Variants in SERGEF observed in about 807,000 individuals in gnomAD.
SERGEF encodes secretion-regulating guanine nucleotide exchange factor.
Under a neutral mutation model 50.0 loss-of-function variants are expected in SERGEF, and 51 were observed. The ratio of observed to expected loss-of-function variants is 1.02; its 90% CI spans 0.81 to 1.29. The LOEUF (loss-of-function observed/expected upper bound fraction) is 1.29, where lower values mean the gene tolerates loss of function less well. SERGEF is among the 50% of genes most tolerant of loss of function. SERGEF has a pLI of 0.00. For synonymous variants in SERGEF, 205 were observed against 212.4 expected (o/e 0.97, Z 0.30); for missense variants, 521 against 557.0 (o/e 0.94, Z 0.65).
chr11:17,899,161 T>C (rs1851700061), intron 9 of SERGEF, among the ~76,000 whole-genome samples: 1 of 152,192 alleles, frequency 6.6e-6, no homozygotes, highest in South Asian at 2.1e-4. Flanking sequence ...GAAACCTCTT[T>C]TCTTTATAAT....
At position 17,788,082 on chromosome 11, in the gene SERGEF, C is replaced by CT. The variant is rs1302152727; in HGVS notation, c.*2dup. 1 of 1,515,182 alleles carries CT rather than the reference C, an allele frequency of 6.6e-7. No homozygotes were observed. Among genetic ancestry groups the CT allele is most frequent in the Non-Finnish European group, 8.9e-7 (1 of 1,129,870 alleles). The allele number at this position is 1,515,182 out of a possible 1,614,324, so 93.9% of individuals were successfully genotyped here. ...GAAAAGCCACTTTATTAAAGATTCT[C>CT]TATCACAGTCCCCCATTTCTGGACC... On this transcript the variant is annotated 3_prime_UTR_variant, in exon 11 of 11. Transcript: ENST00000265965.
intron 8 of SERGEF, among the ~76,000 whole-genome samples, chr11:17,961,268 T>C (rs1212371343): frequency 6.6e-6 from 1 of 152,148 alleles, no homozygotes; most frequent in Non-Finnish European, 1.5e-5. Context: ...TCAACACTCT[T>C]CCTTCACTTC....
chr11:17,848,916 G>A (rs1850665314), intron 10 of SERGEF, among the ~76,000 whole-genome samples: 1 of 152,162 alleles, frequency 6.6e-6, no homozygotes, highest in Non-Finnish European at 1.5e-5. Flanking sequence ...TCCATGTCTT[G>A]TCCAGATTAT....
At chr11:17,821,489 T>TA (rs2133844688) in intron 10 of SERGEF, among the ~76,000 whole-genome samples, 1 of 152,296 alleles carries the variant, frequency 6.6e-6, no homozygotes, top group African/African-American at 2.4e-5. Context: ...TGGCACCAGG[T>TA]AGACGGTAGG....
intron 8 of SERGEF, among the ~76,000 whole-genome samples, chr11:17,980,975 A>G (rs1196393145): frequency 6.6e-6 from 1 of 152,218 alleles, no homozygotes; most frequent in Non-Finnish European, 1.5e-5. Flanking sequence ...GTCTTGCCAG[A>G]GGACAAAGAG....
chr11:17,808,939 G>C (rs1849815799), intron 10 of SERGEF, among the ~76,000 whole-genome samples: 1 of 152,210 alleles, frequency 6.6e-6, no homozygotes, highest in Admixed American at 6.5e-5. Context: ...TTGGGGTTTG[G>C]CTGGACAAGT....
chr11:17,908,039 A>C (rs1293744132), intron 9 of SERGEF, among the ~76,000 whole-genome samples: 1 of 152,120 alleles, frequency 6.6e-6, no homozygotes, highest in Non-Finnish European at 1.5e-5. Context: ...AGTTCTCCGC[A>C]ACTTAGCCCT....
At chr11:17,967,763 G>A (rs1853155331) in intron 8 of SERGEF, among the ~76,000 whole-genome samples, 1 of 152,182 alleles carries the variant, frequency 6.6e-6, no homozygotes, top group East Asian at 1.9e-4. Context: ...CTCAATGTTG[G>A]ATGACTGCTC....
chr11:17,900,342 G>A (rs1166897361), intron 9 of SERGEF, among the ~76,000 whole-genome samples: 1 of 152,186 alleles, frequency 6.6e-6, no homozygotes, highest in East Asian at 1.9e-4. Context: ...GCTTAGAGCA[G>A]TATTGTACAA....
intron 10 of SERGEF, among the ~76,000 whole-genome samples, chr11:17,794,042 T>C (rs117241179): frequency 4.6e-5 from 7 of 152,284 alleles, no homozygotes; most frequent in Admixed American, 2.0e-4. Context: ...AGCCCAGTGC[T>C]AGGGAGGGGG....
intron 5 of SERGEF, among the ~76,000 whole-genome samples, chr11:17,996,595 T>C (rs1375375094): frequency 1.4e-5 from 2 of 142,448 alleles, no homozygotes; most frequent in African/African-American, 5.2e-5. Flanking sequence ...ATTCTAGATA[T>C]TTGATCTACA....
rs75388906 is a variant in SERGEF, at chr11:17,985,549, G to A, written c.844+3048C>T. Among the ~76,000 whole-genome samples the A allele has an allele frequency of 4.0e-4, 61 of 152,264 alleles. No individual in the cohort carries two copies. In the East Asian group the frequency reaches 0.01, roughly 25 times the overall value. On this transcript the variant is annotated intron_variant, in intron 8 of 10. Coordinates refer to ENST00000265965, the MANE Select transcript of SERGEF (RefSeq NM_012139.4). ...CATGAAGTTCCTGAGAACAATGATC[G>A]GGAACATTAAGCAGCTTGGGAAAGG...
chr11:17,796,610 C>T (rs576508718), intron 10 of SERGEF, among the ~76,000 whole-genome samples: 1 of 152,292 alleles, frequency 6.6e-6, no homozygotes, highest in Non-Finnish European at 1.5e-5. Flanking sequence ...TTCCCAGTCT[C>T]CAGAACCATT....
intron 1 of SERGEF, among the ~76,000 whole-genome samples, chr11:18,011,440 CT>C (rs1854193650): frequency 6.6e-6 from 1 of 152,226 alleles, no homozygotes; most frequent in African/African-American, 2.4e-5. Flanking sequence ...AGGCGGCCAT[CT>C]GCAAGCCAGA....
At chr11:17,962,674 A>G (rs1262895197) in intron 8 of SERGEF, among the ~76,000 whole-genome samples, 1 of 152,222 alleles carries the variant, frequency 6.6e-6, no homozygotes, top group Non-Finnish European at 1.5e-5. Context: ...GCCAAGAAGT[A>G]TAGACTGCAA....
At chr11:17,995,047 C>T (rs1370143280) in intron 6 of SERGEF, among the ~76,000 whole-genome samples, 2 of 151,886 alleles carry the variant, frequency 1.3e-5, no homozygotes, top group Admixed American at 6.5e-5. Context: ...GAAATGGAGA[C>T]ATGGTGCTGT....
intron 10 of SERGEF, among the ~76,000 whole-genome samples, chr11:17,820,613 C>A (rs1276390648): frequency 6.6e-6 from 1 of 152,160 alleles, no homozygotes; most frequent in African/African-American, 2.4e-5. Flanking sequence ...ATACAAAGAC[C>A]TTACAATCTT....
intron 10 of SERGEF, among the ~76,000 whole-genome samples, chr11:17,841,766 C>T (rs954300141): frequency 6.6e-6 from 1 of 152,170 alleles, no homozygotes; most frequent in Admixed American, 6.5e-5. Context: ...CTAATCTCCC[C>T]CTCCAGCCTT....
chr11:17,866,434 C>A (rs1302433943), intron 10 of SERGEF, among the ~76,000 whole-genome samples: 1 of 152,186 alleles, frequency 6.6e-6, no homozygotes, highest in Non-Finnish European at 1.5e-5. Context: ...CTAGGCTATA[C>A]CATCTAGGTT....
Sources: allele counts gnomAD v4.1 joint callset (sites outside exome capture counted in the v4.1 genomes callset), GRCh38; gene constraint gnomAD v4.1.1; transcripts MANE v1.5; gene names NCBI Gene and HGNC (gene_info 2026-07-23, HGNC 2026-07-21).